NME7: variants seen among roughly 807,000 people sequenced by gnomAD.
NME7 encodes nucleoside diphosphate kinase 7.
Under a neutral mutation model 49.1 loss-of-function variants are expected in NME7, and 41 were observed. The observed-to-expected ratio is 0.83, with a 90% CI of 0.65 to 1.08. NME7 has a LOEUF of 1.08. Among genes scored for constraint, NME7 ranks in the 50% least tolerant of loss-of-function variants. The pLI is 0.00. For missense variants in NME7, 423 were observed against 463.4 expected (o/e 0.91, Z 0.80); for synonymous variants, 139 against 150.6 (o/e 0.92, Z 0.56).
chr1:169,303,226 G>T, intron 4 of NME7, 31 bp from the exon 5 acceptor site: 1 of 1,206,242 alleles, frequency 8.3e-7, no homozygotes, highest in Non-Finnish European at 1.2e-6. Flanking sequence ...CAATAGTTAA[G>T]AATTATAAAA....
chr1:169,183,356 CTATTA>C (rs1659976900), intron 10 of NME7, among the ~76,000 whole-genome samples: 1 of 152,074 alleles, frequency 6.6e-6, no homozygotes, highest in South Asian at 2.1e-4. Flanking sequence ...ATGTCTATTA[CTATTA>C]TATATTTTAA....
chr1:169,132,603 T>C lies in NME7; in HGVS notation c.*182A>G. 1 of 539,634 alleles carries C rather than the reference T, an allele frequency of 1.9e-6. No individual in the cohort carries two copies. The highest frequency in any genetic ancestry group is 3.1e-5 in the East Asian group (1 of 32,054). The allele number at this position is 539,634 out of a possible 1,614,324, so 33.4% of individuals were successfully genotyped here. A position where few individuals can be genotyped will look rare whatever the true frequency, so the allele number is the denominator to read the frequency against. On this transcript the variant is annotated 3_prime_UTR_variant, in exon 12 of 12. Transcript: ENST00000367811. ...GTACCCCATAGACTGGTGTTAAATG[T>C]TGTCTACAGTGCAAAATCCATGTTC...
intron 10 of NME7, among the ~76,000 whole-genome samples, chr1:169,183,117 C>G (rs1659972055): frequency 6.6e-6 from 1 of 152,184 alleles, no homozygotes; most frequent in South Asian, 2.1e-4. Flanking sequence ...ACTGTTTCAT[C>G]ACAGATATAA....
chr1:169,206,980 C>T (rs1660690482), intron 10 of NME7, among the ~76,000 whole-genome samples: 2 of 152,098 alleles, frequency 1.3e-5, no homozygotes, highest in Middle Eastern at 6.8e-3. Flanking sequence ...AGTTCACAGA[C>T]CCCTTGTCTT....
intron 1 of NME7, among the ~76,000 whole-genome samples, chr1:169,364,395 T>A (rs1331701827): frequency 6.6e-6 from 1 of 152,214 alleles, no homozygotes; most frequent in African/African-American, 2.4e-5. Flanking sequence ...AATATCTGCA[T>A]AGATTTTAAA....
chr1:169,236,327 A>G (rs572948328), intron 8 of NME7, among the ~76,000 whole-genome samples: 18 of 152,296 alleles, frequency 1.2e-4, no homozygotes, highest in Admixed American at 1.0e-3. Context: ...GGCCAAGGCC[A>G]CATGCCTAGA....
chr1:169,226,189 A>G (rs1038295848), intron 10 of NME7, among the ~76,000 whole-genome samples: 1 of 152,162 alleles, frequency 6.6e-6, no homozygotes, highest in African/African-American at 2.4e-5. Context: ...GAATTTCTAA[A>G]TTATTTTAAG....
chr1:169,287,396 AC>A lies in NME7; in HGVS notation c.660del (p.Leu220PhefsTer39), dbSNP rs768787951. ...CCACAACCTCCACTTGAAGGAAAAA[AC>A]AACTCCATTTCCTAAAGACAGAGAG... Reference protein sequence around the residue: ...SFASAAREMELFFPSSGGCGP... With the variant: ...SFASAAREMEXFFPSSGGCGP... On this transcript the variant is annotated frameshift_variant, in exon 7 of 12. Transcript: ENST00000367811. LOFTEE classifies it high-confidence loss of function. The A allele has an allele frequency of 1.9e-6, 3 of 1,592,386 alleles. No homozygotes were observed. The Admixed American group carries it at 5.4e-5, about 29-fold the overall frequency.
chr1:169,228,504 C>T (rs1373368448), intron 10 of NME7, among the ~76,000 whole-genome samples: 3 of 151,092 alleles, frequency 2.0e-5, no homozygotes, highest in Non-Finnish European at 3.0e-5. Context: ...GGTGAAACCC[C>T]GTCTCTACTA....
intron 10 of NME7, among the ~76,000 whole-genome samples, chr1:169,171,980 C>T (rs1224370644): frequency 1.3e-5 from 2 of 152,126 alleles, no homozygotes; most frequent in Admixed American, 6.5e-5. Flanking sequence ...TCAAGCCCCA[C>T]ATTCAGTGCC....
At chr1:169,301,635 GC>G (rs1161801492) in intron 5 of NME7, among the ~76,000 whole-genome samples, 1 of 151,978 alleles carries the variant, frequency 6.6e-6, no homozygotes, top group African/African-American at 2.4e-5. Flanking sequence ...TCATTGCTGT[GC>G]TATTCACAAT....
At chr1:169,148,449 C>G (rs1253931506) in intron 11 of NME7, among the ~76,000 whole-genome samples, 1 of 151,740 alleles carries the variant, frequency 6.6e-6, no homozygotes, top group Non-Finnish European at 1.5e-5. Flanking sequence ...GGACAAAGAA[C>G]AGTAGTAGGT....
At chr1:169,335,554 G>A (rs1274023631) in intron 1 of NME7, among the ~76,000 whole-genome samples, 1 of 151,786 alleles carries the variant, frequency 6.6e-6, no homozygotes, top group African/African-American at 2.4e-5. Flanking sequence ...GCCTGTTGTG[G>A]GGTGGGGGAT....
rs139321967 is a variant in NME7, at chr1:169,157,839, G to A, written c.1098+11608C>T. On this transcript the variant is annotated intron_variant, in intron 11 of 11. Coordinates refer to ENST00000367811, the MANE Select transcript of NME7 (RefSeq NM_013330.5). ...CAAAAGCAGAACCAAAGCCGACTTC[G>A]AAGAAGTCTGGTGTATGTCTTCTTT... 2.1e-3 allele frequency among the ~76,000 whole-genome samples: 322 copies of A among 152,308 alleles called. 4 individuals are homozygous for A. The highest frequency in any genetic ancestry group is 0.02 in the East Asian group (105 of 5,180).
chr1:169,254,763 G>C (rs6686006), intron 7 of NME7, among the ~76,000 whole-genome samples: 83,678 of 132,180 alleles, frequency 0.63, 27,556 homozygotes, highest in Admixed American at 0.69. Context: ...GGTATGTTGT[G>C]TCTTTGTTCT....
chr1:169,332,897 T>C (rs1318436174), intron 1 of NME7, among the ~76,000 whole-genome samples: 1 of 152,166 alleles, frequency 6.6e-6, no homozygotes, highest in African/African-American at 2.4e-5. Flanking sequence ...ACAACCACTA[T>C]GGAGAACAGT....
intron 10 of NME7, among the ~76,000 whole-genome samples, chr1:169,215,333 G>T (rs1030681325): frequency 7.2e-5 from 11 of 152,094 alleles, no homozygotes; most frequent in African/African-American, 2.7e-4. Context: ...GCCATAGGTA[G>T]TTTTGAAAAA....
At chr1:169,359,599 A>G (rs1371988828) in intron 1 of NME7, among the ~76,000 whole-genome samples, 1 of 152,014 alleles carries the variant, frequency 6.6e-6, no homozygotes, top group Non-Finnish European at 1.5e-5. Context: ...ATATTTTCTC[A>G]TTTCTAAAAA....
chr1:169,137,775 T>C (rs950677709), intron 11 of NME7, among the ~76,000 whole-genome samples: 1 of 152,186 alleles, frequency 6.6e-6, no homozygotes, highest in African/African-American at 2.4e-5. Flanking sequence ...GAAAGAAGTC[T>C]AGGGTTCTCT....
Sources: gnomAD v4.1 joint callset for allele counts (sites outside exome capture counted in the v4.1 genomes callset) on GRCh38, gnomAD v4.1.1 for gene constraint, MANE v1.5 for transcripts, NCBI Gene and HGNC (gene_info 2026-07-23, HGNC 2026-07-21) for gene names.